The following TET1 variants were observed in gnomAD, a reference collection of about 807,000 sequenced individuals.
TET1 encodes the protein methylcytosine dioxygenase TET1.
Under a neutral mutation model 148.7 loss-of-function variants are expected in TET1, and 13 were observed. That is an observed-to-expected ratio of 0.09 (90% CI 0.06 to 0.14). TET1 has a LOEUF of 0.14. Ranked by LOEUF, TET1 falls within the 10% of genes least tolerant of loss-of-function variation. The pLI is 1.00. For synonymous variants in TET1, 907 were observed against 937.2 expected (o/e 0.97, Z 0.59); for missense variants, 2,182 against 2,553.8 (o/e 0.85, Z 3.14).
At position 68,572,796 on chromosome 10, in the gene TET1, C is replaced by T. The variant is rs2053685322; in HGVS notation, c.458C>T (p.Ser153Leu). Residue 153 changes from serine (S) to leucine (L), a missense_variant, in exon 2 of 12, where the codon TCA becomes TTA. Transcript: ENST00000373644. ...CTCCCTGCTTTGGGAGTAAAGCACT[C>T]AGAAAATGATTCGGTTCCAATGCAA... is the stretch of plus-strand genomic sequence containing the variant. ...KILPALGVKH[S>L]ENDSVPMQDT... 6.2e-7 allele frequency: 1 copy of T among 1,614,116 alleles called. No individual in the cohort carries two copies. The highest frequency in any genetic ancestry group is 8.5e-7 in the Non-Finnish European group (1 of 1,179,998).
chr10:68,679,166 G>T (rs906469968), intron 8 of TET1, among the ~76,000 whole-genome samples: 1 of 152,180 alleles, frequency 6.6e-6, no homozygotes, highest in Admixed American at 6.5e-5. Context: ...CTGGGCAACA[G>T]AGTGAAACTC....
chr10:68,563,041 G>A (rs1303052149), intron 1 of TET1, among the ~76,000 whole-genome samples: 1 of 151,050 alleles, frequency 6.6e-6, no homozygotes, highest in African/African-American at 2.4e-5. Flanking sequence ...TCCTTCTCTT[G>A]CTTTTTCTTC....
chr10:68,686,941 G>A (rs1284837296), intron 11 of TET1, among the ~76,000 whole-genome samples: 2 of 150,504 alleles, frequency 1.3e-5, no homozygotes, highest in Non-Finnish European at 2.9e-5. Context: ...AGGCTGGAGT[G>A]CAGTGGCGCA....
intron 3 of TET1, among the ~76,000 whole-genome samples, chr10:68,605,243 C>A (rs771263200): frequency 3.9e-5 from 6 of 152,070 alleles, no homozygotes; most frequent in Non-Finnish European, 7.4e-5. Context: ...GAGGCTGAGG[C>A]GGGCAGATCA....
intron 7 of TET1, among the ~76,000 whole-genome samples, chr10:68,669,474 C>CTTTTTTTTTT (rs3085667): frequency 1.3e-4 from 8 of 61,610 alleles, no homozygotes; most frequent in Non-Finnish European, 1.7e-4. Flanking sequence ...CCATGCCCAG[C>CTTTTTTTTTT]TTTTTTTTTT....
intron 8 of TET1, chr10:68,674,915 C>A (rs1028665776): frequency 2.6e-6 from 1 of 387,340 alleles, no homozygotes; most frequent in South Asian, 2.3e-5. Context: ...AGAAAAAATT[C>A]TTGCCAATCT....
chr10:68,568,740 A>G (rs2664417), intron 1 of TET1, among the ~76,000 whole-genome samples: 7,080 of 152,234 alleles, frequency 0.047, 207 homozygotes, highest in South Asian at 0.081. Flanking sequence ...GGTCCCAGCT[A>G]TTCGGGCAGC....
intron 6 of TET1, 31 bp from the exon 7 acceptor site, chr10:68,667,014 T>G: frequency 6.3e-7 from 1 of 1,592,186 alleles, no homozygotes; most frequent in Non-Finnish European, 8.6e-7. Context: ...CATACTTGTC[T>G]TCCATAGATG....
chr10:68,574,321 T>A, intron 2 of TET1, 69 bp downstream of exon 2: 5 of 1,038,314 alleles, frequency 4.8e-6, no homozygotes, highest in Non-Finnish European at 7.0e-6. Flanking sequence ...CAGAGACACT[T>A]CTAGTGTCTC....
chr10:68,659,945 A>G (rs2055081617), intron 6 of TET1, among the ~76,000 whole-genome samples: 1 of 152,230 alleles, frequency 6.6e-6, no homozygotes, highest in Non-Finnish European at 1.5e-5. Context: ...TGTAATATGT[A>G]GATAGCTTTA....
rs1276427179 is a variant in TET1 at position 68,566,624 on chromosome 10, T to G, written c.-122-5593T>G. On this transcript the variant is annotated intron_variant, in intron 1 of 11. Coordinates refer to ENST00000373644, the MANE Select transcript of TET1 (RefSeq NM_030625.3). The stretch of plus-strand genomic sequence containing the variant: ...TTTTTTGTGTATTTGATGTTATCAC[T>G]AATGTCTATTTTAAAAGTCTTAAAG... Among the ~76,000 whole-genome samples the G allele has an allele frequency of 2.0e-5, 3 of 152,188 alleles. No homozygotes were observed. The East Asian group carries it at 5.8e-4, about 29-fold the overall frequency.
chr10:68,573,652 T>A lies in TET1; in HGVS notation c.1314T>A (p.Asn438Lys). 1 of 1,614,108 alleles carries A rather than the reference T, an allele frequency of 6.2e-7. No homozygotes were observed. Among genetic ancestry groups the A allele is most frequent in the Non-Finnish European group, 8.5e-7 (1 of 1,180,034 alleles). ...DLPVFLPVPP[N>K]PIATFNAPSK... is the part of the protein sequence containing the mutation. ...CTGTCTTCCTTCCTGTTCCTCCAAATCCAATTGCTACCTTTAATGCTCCTT... is the reference window on the plus strand; with the variant it reads ...CTGTCTTCCTTCCTGTTCCTCCAAAACCAATTGCTACCTTTAATGCTCCTT... Residue 438 changes from asparagine to lysine, a missense_variant, in exon 2 of 12, where the codon AAT (asparagine) becomes AAA (lysine). Physicochemically the swap from Asn to Lys is moderately conservative, Grantham distance 94. Transcript: ENST00000373644.
chr10:68,591,427 G>A (rs2053917612), intron 2 of TET1, among the ~76,000 whole-genome samples: 1 of 152,186 alleles, frequency 6.6e-6, no homozygotes, highest in Non-Finnish European at 1.5e-5. Flanking sequence ...CAAAGTAAGA[G>A]CATCCCCTAC....
intron 11 of TET1, among the ~76,000 whole-genome samples, chr10:68,689,477 C>T (rs935776694): frequency 1.3e-5 from 2 of 151,120 alleles, no homozygotes; most frequent in African/African-American, 4.9e-5. Context: ...CAGAGGCGGG[C>T]GGATCATGAG....
Position 68,691,187 on chromosome 10 carries a change from T to C in TET1, c.5784T>C (p.Thr1928=). The change falls in exon 12 of 12, where the codon ACT becomes ACC. Residue 1928 remains threonine, a synonymous_variant. Coordinates refer to ENST00000373644, the MANE Select transcript of TET1 (RefSeq NM_030625.3). The surrounding 1 kb of genome is among the most constrained non-coding windows in gnomAD (Gnocchi z 4.4). ...MEPLINSEPS[T]GVTEPLTPHQ... is the part of the protein sequence containing the mutation. ...CCCTCATTAATTCTGAGCCTTCCAC[T>C]GGTGTGACTGAGCCGCTAACGCCTC... is the stretch of plus-strand genomic sequence containing the variant. The C allele has an allele frequency of 6.2e-7, 1 of 1,614,198 alleles. No homozygotes were observed. Among genetic ancestry groups the C allele is most frequent in the Non-Finnish European group, 8.5e-7 (1 of 1,180,038 alleles).
rs2133685942 is a variant in TET1 at position 68,572,692 on chromosome 10, C to G, written c.354C>G (p.Pro118=). Residue 118 remains proline, a synonymous_variant, in exon 2 of 12, where the codon CCC becomes CCG. Transcript: ENST00000373644. ...STSLSRRLSQ[P]PLVVAKSKKV... is the part of the protein sequence containing the mutation. ...CTCTTAGCAGGCGACTCTCCCAACC[C>G]CCACTGGTCGTAGCCAAATCCAAAA... The G allele has an allele frequency of 6.2e-7, 1 of 1,614,136 alleles. No homozygotes were observed. Among genetic ancestry groups the G allele is most frequent in the South Asian group, 1.1e-5 (1 of 91,080 alleles).
chr10:68,672,966 G>C lies in TET1; in HGVS notation c.4745G>C (p.Ser1582Thr). Residue 1582 changes from serine to threonine, a missense_variant, in exon 8 of 12, where the codon AGT (serine) becomes ACT (threonine). This residue lies in a region of TET1 where 55 missense variants were observed against 149.8 expected (regional missense o/e 0.37). Coordinates refer to ENST00000373644, the MANE Select transcript of TET1 (RefSeq NM_030625.3). Reference sequence around the variant, plus strand: ...TCATTCTCTTTTGGCTGTTCATGGAGTATGTACTTTAATGGCTGTAAGTTT... The same window carrying C: ...TCATTCTCTTTTGGCTGTTCATGGACTATGTACTTTAATGGCTGTAAGTTT... Reference protein sequence around the residue: ...GASFSFGCSWSMYFNGCKFGR... With the variant: ...GASFSFGCSWTMYFNGCKFGR... 1.2e-6 allele frequency: 2 copies of C among 1,612,802 alleles called. No individual in the cohort carries two copies. Among genetic ancestry groups the C allele is most frequent in the Non-Finnish European group, 1.7e-6 (2 of 1,179,064 alleles).
chr10:68,681,874 A>C (rs1373267027), intron 9 of TET1, among the ~76,000 whole-genome samples: 1 of 150,564 alleles, frequency 6.6e-6, no homozygotes, highest in East Asian at 2.0e-4. Context: ...AGGCTGAGGC[A>C]GGAGAATCAC....
At chr10:68,649,156 G>T (rs1436084103) in intron 4 of TET1, among the ~76,000 whole-genome samples, 1 of 152,110 alleles carries the variant, frequency 6.6e-6, no homozygotes, top group African/African-American at 2.4e-5. Context: ...TCAAAGAGAG[G>T]GTTTATTATC....
Sources: allele counts gnomAD v4.1 joint callset (sites outside exome capture counted in the v4.1 genomes callset), GRCh38; gene constraint gnomAD v4.1.1; regional missense constraint gnomAD v4.1.1; non-coding constraint Gnocchi (gnomAD v3.1); transcripts MANE v1.5; gene names NCBI Gene and HGNC (gene_info 2026-07-23, HGNC 2026-07-21).